PECR: variants seen among roughly 807,000 people sequenced by gnomAD.
The protein encoded by PECR is 2,4-dienoyl-CoA reductase-related protein.
In PECR, 30 loss-of-function variants were observed where a neutral mutation model predicts 35.3. That is an observed-to-expected ratio of 0.85 (90% CI 0.64 to 1.15). The LOEUF (loss-of-function observed/expected upper bound fraction) is 1.15. Ranked by LOEUF, PECR falls within the 50% of genes most tolerant of loss-of-function variation. The pLI, the probability that PECR is intolerant of heterozygous loss-of-function variation, is 0.00. For missense variants in PECR, 392 were observed against 370.8 expected, an observed-to-expected ratio of 1.06 and a Z score of -0.47; for synonymous variants, 148 against 138.9, an observed-to-expected ratio of 1.07 and a Z score of -0.46.
chr2:216,036,936 C>T (rs551463795), downstream of PECR, among the ~76,000 whole-genome samples: 1 of 152,268 alleles, frequency 6.6e-6, no homozygotes, highest in Non-Finnish European at 1.5e-5. Context: ...CATTTTGTTT[C>T]CTGTCTTTCA....
At chr2:216,070,137 T>C (rs1340118349) in intron 1 of PECR, among the ~76,000 whole-genome samples, 1 of 152,050 alleles carries the variant, frequency 6.6e-6, no homozygotes, top group Non-Finnish European at 1.5e-5. Context: ...CACATGAAAA[T>C]AAAACAGTTT....
intron 3 of PECR, among the ~76,000 whole-genome samples, chr2:216,059,561 T>C (rs1217139456): frequency 6.6e-6 from 1 of 152,250 alleles, no homozygotes; most frequent in African/African-American, 2.4e-5. Flanking sequence ...TGGTCATATG[T>C]TAACTCTGTT....
At chr2:216,035,490 T>A (rs1173365358), downstream of PECR, among the ~76,000 whole-genome samples, 1 of 138,110 alleles carries the variant, frequency 7.2e-6, no homozygotes, top group East Asian at 2.1e-4. Context: ...GGGCTCTTCT[T>A]TTTTTTTTTT....
rs191497054 is a variant in PECR at position 216,042,535 on chromosome 2, T to C, written c.826+1369A>G. Among the ~76,000 whole-genome samples, 28 of 152,300 alleles carry C rather than the reference T, an allele frequency of 1.8e-4. No homozygotes were observed. In the East Asian group the frequency reaches 5.4e-3, roughly 29 times the overall value. ...ACAACAGAAATTCAATACATTTGCATTTTATACCCTTTACTACATTTTTGG... is the reference window on the plus strand; with the variant it reads ...ACAACAGAAATTCAATACATTTGCACTTTATACCCTTTACTACATTTTTGG... On this transcript the variant is annotated intron_variant, in intron 7 of 7. Transcript: ENST00000265322.
At chr2:216,079,365 G>T (rs2105972623) in intron 1 of PECR, among the ~76,000 whole-genome samples, 1 of 150,554 alleles carries the variant, frequency 6.6e-6, no homozygotes, top group East Asian at 2.0e-4. Context: ...TTTTGCATAT[G>T]TAATACTTTT....
chr2:216,051,341 C>A, intron 5 of PECR, 108 bp downstream of exon 5: 12 of 685,600 alleles, frequency 1.8e-5, no homozygotes, highest in East Asian at 1.2e-4. Flanking sequence ...GTTTTAAAGT[C>A]AATCTTTTAT....
At chr2:216,046,897 T>C (rs1024840459) in intron 6 of PECR, among the ~76,000 whole-genome samples, 1 of 152,212 alleles carries the variant, frequency 6.6e-6, no homozygotes, top group Non-Finnish European at 1.5e-5. Flanking sequence ...CAAATCATAA[T>C]GGGATTTGAT....
At chr2:216,071,492 T>C (rs949283400) in intron 1 of PECR, among the ~76,000 whole-genome samples, 1 of 152,084 alleles carries the variant, frequency 6.6e-6, no homozygotes, top group African/African-American at 2.4e-5. Context: ...TACAGGTGAG[T>C]CCATTAAATG....
At chr2:216,063,400 A>G (rs1185042534) in intron 3 of PECR, among the ~76,000 whole-genome samples, 2 of 152,170 alleles carry the variant, frequency 1.3e-5, no homozygotes, top group Non-Finnish European at 2.9e-5. Flanking sequence ...TGGGTGGATC[A>G]CAAGGTCAGG....
chr2:216,034,519 T>C (rs1694763302), downstream of PECR, among the ~76,000 whole-genome samples: 1 of 152,180 alleles, frequency 6.6e-6, no homozygotes, highest in Non-Finnish European at 1.5e-5. Context: ...TATTTTTTTT[T>C]CCTACCCAAT....
intron 7 of PECR, among the ~76,000 whole-genome samples, chr2:216,043,473 T>C (rs1267609152): frequency 2.6e-5 from 4 of 152,114 alleles, no homozygotes; most frequent in African/African-American, 2.4e-5. Context: ...TCATTCAATA[T>C]ATATCTCAAA....
At chr2:216,040,269 T>G (rs1694863858) in intron 7 of PECR, among the ~76,000 whole-genome samples, 1 of 152,204 alleles carries the variant, frequency 6.6e-6, no homozygotes, top group Non-Finnish European at 1.5e-5. Context: ...ATTTTTTTAA[T>G]TTTTATTTTT....
At chr2:216,030,950 T>TCA (rs1471714167) in intron 7 of PECR, among the ~76,000 whole-genome samples, 21 of 96,234 alleles carry the variant, frequency 2.2e-4, no homozygotes, top group Middle Eastern at 5.0e-3. Context: ...TCTCTCTCTC[T>TCA]CTCTCTCACA....
At chr2:216,074,944 G>A (rs953762666) in intron 1 of PECR, among the ~76,000 whole-genome samples, 12 of 152,200 alleles carry the variant, frequency 7.9e-5, no homozygotes, top group African/African-American at 2.9e-4. Context: ...ATACTATGCA[G>A]CTTTAAAATG....
intron 1 of PECR, among the ~76,000 whole-genome samples, chr2:216,072,797 T>C (rs1016936303): frequency 2.6e-5 from 4 of 152,216 alleles, no homozygotes; most frequent in African/African-American, 9.6e-5. Flanking sequence ...GATTCTTAAC[T>C]TGCTACTATG....
At chr2:216,055,368 C>T (rs1168305701) in intron 4 of PECR, among the ~76,000 whole-genome samples, 1 of 150,476 alleles carries the variant, frequency 6.6e-6, no homozygotes, top group East Asian at 2.0e-4. Context: ...ACCCAGGAGG[C>T]GGAGGTTGTG....
chr2:216,030,382 A>C (rs551300127), intron 7 of PECR, among the ~76,000 whole-genome samples: 1 of 152,260 alleles, frequency 6.6e-6, no homozygotes, highest in Admixed American at 6.5e-5. Context: ...AAGTTTCTTG[A>C]CCTGTTCATG....
At chr2:216,064,946 T>C (rs143144354) in intron 3 of PECR, among the ~76,000 whole-genome samples, 28 of 152,346 alleles carry the variant, frequency 1.8e-4, no homozygotes, top group African/African-American at 6.7e-4. Context: ...ACTCTGTCTC[T>C]GGTATTCTCC....
At chr2:216,029,871 G>A (rs189318512) in intron 7 of PECR, among the ~76,000 whole-genome samples, 1 of 152,198 alleles carries the variant, frequency 6.6e-6, no homozygotes, top group Non-Finnish European at 1.5e-5. Context: ...TTTTACAAGA[G>A]AGGAATGTGC....
Sources: allele counts gnomAD v4.1 joint callset (sites outside exome capture counted in the v4.1 genomes callset), GRCh38; gene constraint gnomAD v4.1.1; transcripts MANE v1.5; gene names NCBI Gene and HGNC (gene_info 2026-07-23, HGNC 2026-07-21).